SLC66A2: variants seen among roughly 807,000 people sequenced by gnomAD.
SLC66A2 encodes the protein PQ loop repeat containing 1.
SLC66A2 carries 23 observed loss-of-function variants against 25.5 expected under a neutral mutation model. The ratio of observed to expected loss-of-function variants is 0.90; its 90% CI spans 0.65 to 1.28. The LOEUF (loss-of-function observed/expected upper bound fraction) is 1.28, where lower values mean the gene tolerates loss of function less well. Among genes scored for constraint, SLC66A2 ranks in the 50% most tolerant of loss-of-function variants. The pLI is 0.00. For synonymous variants in SLC66A2, 193 were observed against 166.5 expected, an observed-to-expected ratio of 1.16 and a Z score of -1.23; for missense variants, 396 against 373.1, an observed-to-expected ratio of 1.06 and a Z score of -0.51.
At chr18:79,951,174 A>C in intron 1 of SLC66A2, 149 bp from the exon 2 acceptor site, 1 of 213,410 alleles carries the variant, frequency 4.7e-6, no homozygotes, top group Non-Finnish European at 9.1e-6. Context: ...CCTGCCTGGG[A>C]CGGGGGGGTG....
intron 4 of SLC66A2, among the ~76,000 whole-genome samples, chr18:79,933,738 C>G (rs550516541): frequency 4.5e-4 from 69 of 152,310 alleles, no homozygotes; most frequent in African/African-American, 1.6e-3. Flanking sequence ...CCTGCTTCCC[C>G]TTCCCGCCCC....
rs772913035 is a variant in SLC66A2 at position 79,904,053 on chromosome 18, G to C, written c.739C>G (p.Gln247Glu). The change falls in exon 6 of 6, where the codon CAG becomes GAG. Residue 247 changes from glutamine (Q) to glutamate (E), a missense_variant. By Grantham distance (29) the Gln-to-Glu change is conservative. Transcript: ENST00000397778. The surrounding 1 kb of genome is among the most constrained non-coding windows in gnomAD (Gnocchi z 6.3). ...QVLVDLAILG[Q>E]AYAFARHPQK... is the part of the protein sequence containing the mutation. ...GGGTGGCGGGCGAAGGCGTAGGCCTGCCCCAGGATGGCCAGGTCCACCAGC... is the reference window on the plus strand; with the variant it reads ...GGGTGGCGGGCGAAGGCGTAGGCCTCCCCCAGGATGGCCAGGTCCACCAGC... 3 of 1,611,056 alleles carry C rather than the reference G, an allele frequency of 1.9e-6. No individual in the cohort carries two copies. The African/African-American group carries it at 4.0e-5, about 22-fold the overall frequency.
At chr18:79,931,880 G>A (rs561007697) in intron 4 of SLC66A2, among the ~76,000 whole-genome samples, 34 of 152,164 alleles carry the variant, frequency 2.2e-4, no homozygotes, top group Non-Finnish European at 3.5e-4. Context: ...GGCCAGGGAC[G>A]GTGGCACACA....
chr18:79,924,822 G>A (rs1445736209), intron 4 of SLC66A2: 2 of 152,236 alleles, frequency 1.3e-5, no homozygotes, highest in East Asian at 1.9e-4. Context: ...GAATTAAGGT[G>A]CTGTCATTTG....
In SLC66A2 at chr18:79,937,548, C is replaced by T. The variant is rs1437341256; in HGVS notation, c.338-3526G>A. On this transcript the variant is annotated intron_variant, in intron 3 of 5. Coordinates refer to ENST00000397778, the MANE Select transcript of SLC66A2 (RefSeq NM_025078.5). This position sits in a 1 kb window ranked among gnomAD's most constrained non-coding sequence, Gnocchi z 5.4. ...TGTGGATAGCTGAACAATGGGTACC[C>T]GCCCATTTCTCTGCAGAGGGGCTCC... Among the ~76,000 whole-genome samples, 6 of 152,100 alleles carry T rather than the reference C, an allele frequency of 3.9e-5. No homozygotes were observed. Among genetic ancestry groups the T allele is most frequent in the Non-Finnish European group, 5.9e-5 (4 of 68,028 alleles).
chr18:79,945,816 C>T (rs1259976904), intron 2 of SLC66A2, among the ~76,000 whole-genome samples: 1 of 152,234 alleles, frequency 6.6e-6, no homozygotes, highest in East Asian at 1.9e-4. Context: ...GAGGATACAG[C>T]CAAGCTCACA....
intron 4 of SLC66A2, among the ~76,000 whole-genome samples, chr18:79,924,109 T>C (rs186498593): frequency 6.6e-6 from 1 of 151,524 alleles, no homozygotes; most frequent in Non-Finnish European, 1.5e-5. Flanking sequence ...CATTTACCAC[T>C]GCCGGGCCGG....
At chr18:79,913,621 A>T (rs1983563477) in intron 5 of SLC66A2, among the ~76,000 whole-genome samples, 1 of 152,234 alleles carries the variant, frequency 6.6e-6, no homozygotes, top group African/African-American at 2.4e-5. Context: ...GCGCGCATGG[A>T]GGCAACTGTG....
chr18:79,942,199 T>G (rs768738438), intron 3 of SLC66A2, among the ~76,000 whole-genome samples: 81 of 152,314 alleles, frequency 5.3e-4, no homozygotes, highest in Non-Finnish European at 6.9e-4. Flanking sequence ...TGGTGTAATT[T>G]CAAACCCAAA....
intron 5 of SLC66A2, among the ~76,000 whole-genome samples, chr18:79,906,025 T>TC (rs1199712912): frequency 1.3e-5 from 2 of 152,222 alleles, no homozygotes; most frequent in African/African-American, 4.8e-5. Context: ...AAGGAATTGG[T>TC]CCATTTTATC....
chr18:79,933,246 T>A (rs1445673963), intron 4 of SLC66A2, among the ~76,000 whole-genome samples: 1 of 152,210 alleles, frequency 6.6e-6, no homozygotes, highest in Non-Finnish European at 1.5e-5. Context: ...ACTCTTTTAT[T>A]ATAAAAACAC....
chr18:79,922,870 G>GA (rs1216849215), intron 4 of SLC66A2, among the ~76,000 whole-genome samples: 1 of 144,780 alleles, frequency 6.9e-6, no homozygotes, highest in Non-Finnish European at 1.5e-5. Context: ...GGGGCTTGGG[G>GA]GCATCAGAGG....
intron 3 of SLC66A2, among the ~76,000 whole-genome samples, chr18:79,939,696 G>C (rs1008748875): frequency 4.6e-5 from 7 of 152,230 alleles, no homozygotes; most frequent in Middle Eastern, 3.4e-3. Flanking sequence ...TCTCATACCA[G>C]TCGGAATGGC....
intron 5 of SLC66A2, among the ~76,000 whole-genome samples, chr18:79,911,527 C>T (rs1395802984): frequency 2.0e-5 from 3 of 152,244 alleles, no homozygotes; most frequent in Non-Finnish European, 2.9e-5. Context: ...TCACTGTTAG[C>T]GTCCCCGGGG....
At chr18:79,928,225 C>G (rs904080664) in intron 4 of SLC66A2, among the ~76,000 whole-genome samples, 1 of 152,242 alleles carries the variant, frequency 6.6e-6, no homozygotes, top group African/African-American at 2.4e-5. Context: ...CAGTTTTCCC[C>G]AAGTCACTTT....
intron 4 of SLC66A2, among the ~76,000 whole-genome samples, chr18:79,925,252 C>G (rs1477196706): frequency 6.6e-6 from 1 of 152,148 alleles, no homozygotes; most frequent in East Asian, 1.9e-4. Context: ...CTGCTGAGCC[C>G]GACAGAAATC....
intron 2 of SLC66A2, among the ~76,000 whole-genome samples, chr18:79,945,632 G>A (rs72984218): frequency 6.6e-6 from 1 of 152,154 alleles, no homozygotes. Context: ...CAAAGAGGCA[G>A]CTTGAACAGG....
intron 4 of SLC66A2, among the ~76,000 whole-genome samples, chr18:79,929,316 G>T (rs922188448): frequency 2.6e-5 from 4 of 152,164 alleles, no homozygotes; most frequent in Non-Finnish European, 4.4e-5. Context: ...CAGCTGGTTT[G>T]ACCACCAGAA....
In SLC66A2 at chr18:79,950,813, C is replaced by CTG; in HGVS notation, c.113_114insCA (p.Asp39ArgfsTer47). On this transcript the variant is annotated frameshift_variant, in exon 2 of 6. Transcript: ENST00000397778. LOFTEE classifies it high-confidence loss of function. ...CGGCGTTCTGCGTCCTGCGAATGTCCCGATACTGCGGGACGTAGGGCACCA... is the reference window on the plus strand; with the variant it reads ...CGGCGTTCTGCGTCCTGCGAATGTCCTGCGATACTGCGGGACGTAGGGCACCA... 6.2e-7 allele frequency: 1 copy of CTG among 1,613,000 alleles called. No individual in the cohort carries two copies. The highest frequency in any genetic ancestry group is 8.5e-7 in the Non-Finnish European group (1 of 1,179,954).
Sources: gnomAD v4.1 joint callset for allele counts (sites outside exome capture counted in the v4.1 genomes callset) on GRCh38, gnomAD v4.1.1 for gene constraint, Gnocchi (gnomAD v3.1) non-coding constraint, MANE v1.5 for transcripts, NCBI Gene and HGNC (gene_info 2026-07-23, HGNC 2026-07-21) for gene names.